Variants in PTPRK observed in about 807,000 individuals in gnomAD.
PTPRK encodes the protein protein tyrosine phosphatase receptor type K, also known as receptor-type tyrosine-protein phosphatase kappa.
Under a neutral mutation model 178.0 loss-of-function variants are expected in PTPRK, and 75 were observed. That is an observed-to-expected ratio of 0.42 (90% CI 0.35 to 0.51). The LOEUF (loss-of-function observed/expected upper bound fraction) is 0.51. Ranked by LOEUF, PTPRK falls within the 20% of genes least tolerant of loss-of-function variation. PTPRK has a pLI of 0.02. For missense variants in PTPRK, 1,441 were observed against 1,797.8 expected (o/e 0.80, Z 3.59); for synonymous variants, 637 against 620.6 (o/e 1.03, Z -0.39).
chr6:128,202,554 C>T (rs915047891), intron 6 of PTPRK, among the ~76,000 whole-genome samples: 3 of 152,144 alleles, frequency 2.0e-5, no homozygotes, highest in Admixed American at 6.5e-5. Flanking sequence ...GGCCCCACTT[C>T]GAGGGCACTT....
intron 7 of PTPRK, among the ~76,000 whole-genome samples, chr6:128,181,569 C>T (rs1006957808): frequency 3.3e-5 from 5 of 151,998 alleles, no homozygotes; most frequent in African/African-American, 1.2e-4. Flanking sequence ...TGGTAACTTC[C>T]TCCAAAGGTT....
At chr6:128,113,499 A>C (rs915999658) in intron 7 of PTPRK, among the ~76,000 whole-genome samples, 3 of 151,766 alleles carry the variant, frequency 2.0e-5, no homozygotes, top group African/African-American at 7.2e-5. Context: ...TAAAAAATAC[A>C]AATAAAAATA....
rs113471901 is a variant in PTPRK, at chr6:128,494,243, C to T, written c.100+26016G>A. Among the ~76,000 whole-genome samples the T allele has an allele frequency of 3.4e-3, 513 of 149,132 alleles. 2 individuals carry two copies. Among genetic ancestry groups the T allele is most frequent in the African/African-American group, 0.012 (488 of 40,460 alleles). On this transcript the variant is annotated intron_variant, in intron 1 of 29. Coordinates refer to ENST00000368226, the MANE Select transcript of PTPRK (RefSeq NM_002844.4). Reference sequence around the variant, plus strand: ...AAAAAAGTGTAGTTACTTGAACCTGCTAATTGATAAATTTTAATTGTTTCG... The same window carrying T: ...AAAAAAGTGTAGTTACTTGAACCTGTTAATTGATAAATTTTAATTGTTTCG...
chr6:128,278,305 C>T (rs989601222), intron 3 of PTPRK, among the ~76,000 whole-genome samples: 4 of 152,030 alleles, frequency 2.6e-5, no homozygotes, highest in African/African-American at 7.2e-5. Context: ...TACAGGTGCA[C>T]ACCACCACGC....
At chr6:128,175,821 A>T (rs952346239) in intron 7 of PTPRK, among the ~76,000 whole-genome samples, 3 of 151,802 alleles carry the variant, frequency 2.0e-5, no homozygotes, top group African/African-American at 7.2e-5. Flanking sequence ...AGAATATGGG[A>T]CTTCCAGCAA....
At chr6:128,185,862 T>A (rs922099350) in intron 6 of PTPRK, among the ~76,000 whole-genome samples, 1 of 152,058 alleles carries the variant, frequency 6.6e-6, no homozygotes, top group African/African-American at 2.4e-5. Context: ...GCATGAAAAA[T>A]ATACAATGCA....
intron 18 of PTPRK, chr6:127,995,206 T>C (rs748979036): frequency 2.0e-6 from 3 of 1,537,424 alleles, no homozygotes; most frequent in African/African-American, 2.7e-5. Context: ...AGAATGTTTG[T>C]ATTTATAATA....
At position 128,520,236 on chromosome 6, in the gene PTPRK, G is replaced by T. The variant is rs767892099; in HGVS notation, c.100+23C>A. 9 of 1,561,176 alleles carry T rather than the reference G, an allele frequency of 5.8e-6. No individual in the cohort carries two copies. In the Admixed American group the frequency reaches 1.5e-4, roughly 26 times the overall value. Reference sequence around the variant, plus strand: ...GAGCCCAGGACTCCAGGCGTTCGTCGGGGACGCCCCCCGGCCACTCACCTG... The same window carrying T: ...GAGCCCAGGACTCCAGGCGTTCGTCTGGGACGCCCCCCGGCCACTCACCTG... On this transcript the variant is annotated intron_variant, in intron 1 of 29. Coordinates refer to ENST00000368226, the MANE Select transcript of PTPRK (RefSeq NM_002844.4).
chr6:127,988,299 C>A (rs902537246), intron 21 of PTPRK, among the ~76,000 whole-genome samples: 1 of 143,358 alleles, frequency 7.0e-6, no homozygotes, highest in Non-Finnish European at 1.5e-5. Flanking sequence ...ATTATGCTAA[C>A]CTTTTTTTTT....
chr6:128,425,834 A>G (rs887912595), intron 1 of PTPRK, among the ~76,000 whole-genome samples: 3 of 152,158 alleles, frequency 2.0e-5, no homozygotes, highest in Non-Finnish European at 4.4e-5. Context: ...GACTCCATCT[A>G]CTTTTACAGG....
intron 1 of PTPRK, among the ~76,000 whole-genome samples, chr6:128,507,678 T>A (rs1856573822): frequency 1.3e-5 from 2 of 152,128 alleles, no homozygotes; most frequent in African/African-American, 4.8e-5. Flanking sequence ...AGGCAGTTCA[T>A]AAGCAGCTGC....
In PTPRK at chr6:128,242,732, T is replaced by C. The variant is rs186154803; in HGVS notation, c.496-130A>G. 6.2e-4 allele frequency: 817 copies of C among 1,322,448 alleles called. 4 individuals are homozygous for C. In the African/African-American group the frequency reaches 8.7e-3, roughly 14 times the overall value. 81.9% of individuals were successfully genotyped at this position (1,322,448 alleles called of 1,614,324 possible). A position where few individuals can be genotyped will look rare whatever the true frequency, so the allele number is the denominator to read the frequency against. On this transcript the variant is annotated intron_variant, in intron 3 of 29. Coordinates refer to ENST00000368226, the MANE Select transcript of PTPRK (RefSeq NM_002844.4). Reference sequence around the variant, plus strand: ...AGTAAGAATTAAAAATTTAACCTTATAATGTAAGTAATTTCCTAACTCTTG... The same window carrying C: ...AGTAAGAATTAAAAATTTAACCTTACAATGTAAGTAATTTCCTAACTCTTG...
chr6:128,124,088 G>A (rs1012781446), intron 7 of PTPRK, among the ~76,000 whole-genome samples: 1 of 149,846 alleles, frequency 6.7e-6, no homozygotes, highest in East Asian at 2.0e-4. Flanking sequence ...CTGTCACCCA[G>A]GCTGAAGTTC....
chr6:128,027,199 T>A (rs1232041188), intron 13 of PTPRK, among the ~76,000 whole-genome samples: 2 of 152,162 alleles, frequency 1.3e-5, no homozygotes, highest in Admixed American at 1.3e-4. Context: ...TAAAAATACT[T>A]CCTCATTATT....
chr6:128,433,001 A>G (rs191967992), intron 1 of PTPRK, among the ~76,000 whole-genome samples: 1 of 152,282 alleles, frequency 6.6e-6, no homozygotes, highest in African/African-American at 2.4e-5. Context: ...ATCAATACAT[A>G]AGGTTTGTAC....
intron 7 of PTPRK, among the ~76,000 whole-genome samples, chr6:128,158,328 G>A (rs916729578): frequency 6.6e-6 from 1 of 151,880 alleles, no homozygotes; most frequent in Non-Finnish European, 1.5e-5. Flanking sequence ...GTTAATGGGT[G>A]CAGAACACCA....
chr6:128,183,267 C>T (rs768107889), intron 7 of PTPRK, among the ~76,000 whole-genome samples: 68 of 152,068 alleles, frequency 4.5e-4, no homozygotes, highest in Non-Finnish European at 2.8e-4. Context: ...ATCACAGAAA[C>T]AATTTGTCAC....
At chr6:128,083,635 AT>A (rs1785219272) in intron 9 of PTPRK, 79 bp downstream of exon 9, 3 of 708,968 alleles carry the variant, frequency 4.2e-6, no homozygotes, top group Non-Finnish European at 4.4e-6. Flanking sequence ...TCTTTTCCAT[AT>A]TTCCCTCTAA....
rs577624744 is a variant in PTPRK at position 128,090,063 on chromosome 6, A to G, written c.1163-71T>C. 198 of 1,234,290 alleles carry G rather than the reference A, an allele frequency of 1.6e-4. 1 individual carries two copies. The African/African-American group carries it at 2.5e-3, about 16-fold the overall frequency. 76.5% of individuals were successfully genotyped at this position (1,234,290 alleles called of 1,614,324 possible). ...AATAATCCTGGAAAAATAAAACACC[A>G]AGTATAATATAGCATATGCAAATCT... On this transcript the variant is annotated intron_variant, in intron 7 of 29. Coordinates refer to ENST00000368226, the MANE Select transcript of PTPRK (RefSeq NM_002844.4).
Sources: allele counts gnomAD v4.1 joint callset (sites outside exome capture counted in the v4.1 genomes callset), GRCh38; gene constraint gnomAD v4.1.1; transcripts MANE v1.5; gene names NCBI Gene and HGNC (gene_info 2026-07-23, HGNC 2026-07-21).